GPAT4: variants seen among roughly 807,000 people sequenced by gnomAD.
GPAT4 encodes glycerol-3-phosphate acyltransferase 4.
In GPAT4, 17 loss-of-function variants were observed where a neutral mutation model predicts 58.0. The observed-to-expected ratio is 0.29, with a 90% CI of 0.20 to 0.44. The LOEUF (loss-of-function observed/expected upper bound fraction) is 0.44, where lower values mean the gene tolerates loss of function less well. Among genes scored for constraint, GPAT4 ranks in the 20% least tolerant of loss-of-function variants. GPAT4 has a pLI of 1.00. For missense variants in GPAT4, 377 were observed against 574.5 expected, an observed-to-expected ratio of 0.66 and a Z score of 3.51; for synonymous variants, 204 against 210.1, an observed-to-expected ratio of 0.97 and a Z score of 0.25.
At chr8:41,616,247 G>A (rs1803591494) in intron 10 of GPAT4, among the ~76,000 whole-genome samples, 1 of 152,176 alleles carries the variant, frequency 6.6e-6, no homozygotes, top group Non-Finnish European at 1.5e-5. Context: ...TTGCCTGCAG[G>A]GATTGTTTAA....
rs1803798837 is a variant in GPAT4, at chr8:41,623,003, G to A, written c.*2002G>A. The A allele has an allele frequency of 1.3e-5, 2 of 150,004 alleles. No individual in the cohort carries two copies. Among genetic ancestry groups the A allele is most frequent in the Non-Finnish European group, 3.0e-5 (2 of 67,662 alleles). The allele number at this position is 150,004 out of a possible 1,614,324, so 9.3% of individuals were successfully genotyped here. A position where few individuals can be genotyped will look rare whatever the true frequency, so the allele number is the denominator to read the frequency against. On this transcript the variant is annotated 3_prime_UTR_variant, in exon 13 of 13. Transcript: ENST00000396987. ...TGAAACTTTATGGTTTGTTACTTTC[G>A]TGATTTGCATAGGTATTTATATATA...
At chr8:41,612,064 A>G in intron 6 of GPAT4, 72 bp downstream of exon 6, 1 of 1,590,264 alleles carries the variant, frequency 6.3e-7, no homozygotes, top group South Asian at 1.1e-5. Flanking sequence ...ACTTAGCCAA[A>G]TGGGAAGACA....
rs75494761 is a variant in GPAT4 at position 41,585,487 on chromosome 8, T to C, written c.-849+7209T>C. On this transcript the variant is annotated intron_variant, in intron 1 of 12. Coordinates refer to ENST00000396987, the MANE Select transcript of GPAT4 (RefSeq NM_178819.4). The stretch of plus-strand genomic sequence containing the variant: ...GAAAGATTAACTACTAAAGTTGTGG[T>C]TTGTCATCATTTTATTATTATTGCC... Among the ~76,000 whole-genome samples the C allele has an allele frequency of 9.0e-3, 1,372 of 152,290 alleles. 28 individuals carry two copies. Among genetic ancestry groups the C allele is most frequent in the African/African-American group, 0.031 (1,298 of 41,540 alleles).
intron 1 of GPAT4, among the ~76,000 whole-genome samples, chr8:41,584,547 T>C (rs972789590): frequency 6.6e-6 from 1 of 152,076 alleles, no homozygotes; most frequent in East Asian, 1.9e-4. Flanking sequence ...CTGAGTGAAG[T>C]AAATTGGATA....
At chr8:41,608,546 C>T (rs1803349175) in intron 2 of GPAT4, among the ~76,000 whole-genome samples, 1 of 152,182 alleles carries the variant, frequency 6.6e-6, no homozygotes, top group African/African-American at 2.4e-5. Flanking sequence ...CCAGCGAAAC[C>T]AGTTTTAATG....
At chr8:41,590,876 A>C (rs745419749) in intron 1 of GPAT4, among the ~76,000 whole-genome samples, 5 of 151,766 alleles carry the variant, frequency 3.3e-5, no homozygotes, top group Non-Finnish European at 7.4e-5. Context: ...CAAATCATAC[A>C]GATTGATGGA....
Position 41,578,206 on chromosome 8 carries a change from T to A in GPAT4, c.-921T>A, listed in dbSNP as rs973172557. On this transcript the variant is annotated 5_prime_UTR_variant, in exon 1 of 13. Transcript: ENST00000396987. ...GGCGCGCGCACGTCCTGACGCAGCT[T>A]GGGCCCGCGGCGGCGGCAAGGGCGG... is the stretch of plus-strand genomic sequence containing the variant. 1.3e-4 allele frequency: 19 copies of A among 151,374 alleles called. No individual in the cohort carries two copies. The highest frequency in any genetic ancestry group is 4.4e-5 in the Non-Finnish European group (3 of 67,946). 9.4% of individuals were successfully genotyped at this position (151,374 alleles called of 1,614,324 possible).
Position 41,589,396 on chromosome 8 carries a change from G to GA in GPAT4, c.-848-8895dup, listed in dbSNP as rs1377495664. 7.2e-5 allele frequency among the ~76,000 whole-genome samples: 11 copies of GA among 151,902 alleles called. 1 individual carries two copies. The highest frequency in any genetic ancestry group is 1.6e-4 in the Non-Finnish European group (11 of 67,938). ...GGGGTGGGATGGGATGGGACTGGGAGAGCCAGCAGGGGGCCTCTGAGCGGA... is the reference window on the plus strand; with the variant it reads ...GGGGTGGGATGGGATGGGACTGGGAGAAGCCAGCAGGGGGCCTCTGAGCGGA... On this transcript the variant is annotated intron_variant, in intron 1 of 12. Transcript: ENST00000396987.
At chr8:41,607,039 A>G (rs753626638) in intron 2 of GPAT4, among the ~76,000 whole-genome samples, 1 of 152,202 alleles carries the variant, frequency 6.6e-6, no homozygotes, top group Non-Finnish European at 1.5e-5. Context: ...AATATGTCAA[A>G]GAAGTATATT....
chr8:41,619,657 C>T (rs1308212573), intron 12 of GPAT4, among the ~76,000 whole-genome samples: 2 of 152,156 alleles, frequency 1.3e-5, no homozygotes, highest in Non-Finnish European at 2.9e-5. Context: ...TGACAGGGGT[C>T]AATGCTGGTT....
Position 41,614,781 on chromosome 8 carries a change from C to T in GPAT4, c.968-182C>T, listed in dbSNP as rs149176346. Among the ~76,000 whole-genome samples the T allele has an allele frequency of 3.3e-3, 497 of 152,228 alleles. 4 individuals are homozygous for T. The highest frequency in any genetic ancestry group is 9.4e-3 in the African/African-American group (391 of 41,532). On this transcript the variant is annotated intron_variant, in intron 9 of 12. Transcript: ENST00000396987. ...GAAAGTGGTCCTGTAGAAAGAGAATCGGAGGCACCATCTTGCCTGTCTCTG... is the reference window on the plus strand; with the variant it reads ...GAAAGTGGTCCTGTAGAAAGAGAATTGGAGGCACCATCTTGCCTGTCTCTG...
intron 1 of GPAT4, among the ~76,000 whole-genome samples, chr8:41,580,643 T>C (rs1365364422): frequency 6.6e-6 from 1 of 152,222 alleles, no homozygotes; most frequent in African/African-American, 2.4e-5. Flanking sequence ...GTTTAGGTTA[T>C]TTATATGATG....
At chr8:41,583,201 G>A (rs1802568367) in intron 1 of GPAT4, among the ~76,000 whole-genome samples, 3 of 151,668 alleles carry the variant, frequency 2.0e-5, no homozygotes, top group Admixed American at 6.6e-5. Context: ...CTCCAGCCTG[G>A]GCCACAAAAT....
intron 2 of GPAT4, among the ~76,000 whole-genome samples, chr8:41,607,487 A>G (rs770145005): frequency 3.3e-5 from 5 of 151,440 alleles, no homozygotes; most frequent in Non-Finnish European, 5.9e-5. Flanking sequence ...TTCTCTGCCT[A>G]TTGCAGTCTC....
chr8:41,613,660 C>T (rs1803508486), intron 8 of GPAT4, among the ~76,000 whole-genome samples: 1 of 152,096 alleles, frequency 6.6e-6, no homozygotes, highest in South Asian at 2.1e-4. Context: ...GAGACCAAGC[C>T]ACACATGGTG....
intron 2 of GPAT4, among the ~76,000 whole-genome samples, chr8:41,601,233 A>T (rs1803085722): frequency 6.6e-6 from 1 of 152,184 alleles, no homozygotes; most frequent in South Asian, 2.1e-4. Flanking sequence ...GCAGCTGGTT[A>T]GAAATGACCA....
chr8:41,603,483 G>A (rs1298557720), intron 2 of GPAT4, among the ~76,000 whole-genome samples: 2 of 139,344 alleles, frequency 1.4e-5, no homozygotes, highest in Non-Finnish European at 3.0e-5. Context: ...CGGAGATCCC[G>A]CCACTGCACT....
At chr8:41,581,279 G>A (rs1482500547) in intron 1 of GPAT4, among the ~76,000 whole-genome samples, 2 of 152,106 alleles carry the variant, frequency 1.3e-5, no homozygotes, top group Non-Finnish European at 2.9e-5. Flanking sequence ...TAAAACACAT[G>A]CAGACACGTA....
intron 1 of GPAT4, among the ~76,000 whole-genome samples, chr8:41,580,983 C>G (rs1204352438): frequency 6.6e-6 from 1 of 152,190 alleles, no homozygotes; most frequent in Non-Finnish European, 1.5e-5. Flanking sequence ...ACAAAACTCT[C>G]TAAGCTATCT....
Sources: gnomAD v4.1 joint callset for allele counts (sites outside exome capture counted in the v4.1 genomes callset) on GRCh38, gnomAD v4.1.1 for gene constraint, MANE v1.5 for transcripts, NCBI Gene and HGNC (gene_info 2026-07-23, HGNC 2026-07-21) for gene names.